The following ZNF644 variants were observed in gnomAD, a reference collection of about 807,000 sequenced individuals.
ZNF644 encodes zinc finger protein 644, also known as zinc finger motif enhancer binding protein 2.
Under a neutral mutation model 108.0 loss-of-function variants are expected in ZNF644, and 20 were observed. The ratio of observed to expected loss-of-function variants is 0.19; its 90% confidence interval spans 0.13 to 0.27. The LOEUF is 0.27. Among genes scored for constraint, ZNF644 ranks in the 10% least tolerant of loss-of-function variants. ZNF644 has a pLI of 1.00. For missense variants in ZNF644, 1,338 were observed against 1,548.9 expected (o/e 0.86, Z 2.29); for synonymous variants, 542 against 539.1 (o/e 1.01, Z -0.08).
intron 1 of ZNF644, among the ~76,000 whole-genome samples, chr1:90,998,649 C>T (rs1161065685): frequency 1.3e-5 from 2 of 152,216 alleles, no homozygotes; most frequent in Non-Finnish European, 1.5e-5. Context: ...CGCCTCTCCC[C>T]CTCCAAAGGA....
intron 1 of ZNF644, among the ~76,000 whole-genome samples, chr1:90,986,640 T>C (rs767490804): frequency 6.6e-6 from 1 of 152,028 alleles, no homozygotes; most frequent in Non-Finnish European, 1.5e-5. Context: ...AAAAAGAATG[T>C]CTATTAATTT....
intron 1 of ZNF644, among the ~76,000 whole-genome samples, chr1:91,019,913 C>T (rs1013093715): frequency 2.0e-5 from 3 of 152,136 alleles, no homozygotes; most frequent in Non-Finnish European, 4.4e-5. Flanking sequence ...ATGAACCTAA[C>T]AATATTTAAT....
At chr1:91,000,506 A>C (rs1409621619) in intron 1 of ZNF644, among the ~76,000 whole-genome samples, 1 of 152,212 alleles carries the variant, frequency 6.6e-6, no homozygotes, top group African/African-American at 2.4e-5. Flanking sequence ...TAAAGACACA[A>C]CACACCAGAA....
Position 90,952,649 on chromosome 1 carries a change from G to A in ZNF644, c.45-11340C>T, listed in dbSNP as rs183618346. Among the ~76,000 whole-genome samples, 406 of 152,090 alleles carry A rather than the reference G, an allele frequency of 2.7e-3. 2 individuals carry two copies. Among genetic ancestry groups the A allele is most frequent in the African/African-American group, 9.4e-3 (388 of 41,480 alleles). On this transcript the variant is annotated intron_variant, in intron 2 of 5. Transcript: ENST00000337393. The stretch of plus-strand genomic sequence containing the variant: ...TGAACTAGAAAAAGGTCAATACAAA[G>A]TATATTGAATGAAGCAAGGGGAGAC...
At chr1:90,937,449 A>G in intron 4 of ZNF644, 36 bp downstream of exon 4, 1 of 1,613,058 alleles carries the variant, frequency 6.2e-7, no homozygotes, top group Middle Eastern at 1.7e-4. Flanking sequence ...AACTGCATTT[A>G]AACTGTGTAT....
chr1:90,927,146 T>G (rs939622492), intron 4 of ZNF644, among the ~76,000 whole-genome samples: 1 of 151,772 alleles, frequency 6.6e-6, no homozygotes, highest in Non-Finnish European at 1.5e-5. Context: ...TCCAAAAGCC[T>G]TGGGAGTTCC....
intron 1 of ZNF644, among the ~76,000 whole-genome samples, chr1:90,985,603 C>G (rs1368473830): frequency 6.6e-6 from 1 of 152,138 alleles, no homozygotes; most frequent in Non-Finnish European, 1.5e-5. Context: ...TAATGTCCTC[C>G]AGGTTCATCC....
At position 90,938,509 on chromosome 1, in the gene ZNF644, G is replaced by A; in HGVS notation, c.2845C>T (p.His949Tyr). The A allele has an allele frequency of 6.2e-7, 1 of 1,613,964 alleles. No homozygotes were observed. Among genetic ancestry groups the A allele is most frequent in the South Asian group, 1.1e-5 (1 of 91,072 alleles). ...TCAGTCCAATGAAAAACAGAACTAT[G>A]CTTTGACAATGAAGCATCTGCAGTT... The part of the protein sequence containing the change: ...LETADASLSK[H>Y]SSVFHWTDLS... The change falls in exon 3 of 6, where the codon CAT becomes TAT. Residue 949 changes from histidine to tyrosine, a missense_variant. Physicochemically the swap from His to Tyr is moderately conservative, Grantham distance 83 (BLOSUM62 2). This residue lies in a region of ZNF644 where 462 missense variants were observed against 472.6 expected (regional missense o/e 0.98). Transcript: ENST00000337393. This position sits in a 1 kb window ranked among gnomAD's most constrained non-coding sequence, Gnocchi z 4.2.
intron 2 of ZNF644, among the ~76,000 whole-genome samples, chr1:90,966,247 G>A (rs1654868340): frequency 6.6e-6 from 1 of 152,066 alleles, no homozygotes. Context: ...AGCACTCTTA[G>A]TAACTCTCTA....
intron 2 of ZNF644, among the ~76,000 whole-genome samples, chr1:90,947,733 ACCTCC>A (rs1208410150): frequency 2.0e-5 from 3 of 152,146 alleles, no homozygotes; most frequent in African/African-American, 7.2e-5. Context: ...TAATGGGGTT[ACCTCC>A]CAATAAACCC....
intron 4 of ZNF644, among the ~76,000 whole-genome samples, chr1:90,921,049 C>T (rs1207900804): frequency 6.6e-6 from 1 of 151,768 alleles, no homozygotes; most frequent in South Asian, 2.1e-4. Flanking sequence ...TAAAACTGCA[C>T]AAAAAGGGGA....
chr1:90,992,916 T>C (rs757325978), intron 1 of ZNF644, among the ~76,000 whole-genome samples: 12 of 152,192 alleles, frequency 7.9e-5, no homozygotes, highest in Non-Finnish European at 1.2e-4. Flanking sequence ...TGGTGGTGCA[T>C]GTCTGTGGTC....
chr1:90,942,167 T>A (rs1652059272), intron 2 of ZNF644, among the ~76,000 whole-genome samples: 1 of 152,194 alleles, frequency 6.6e-6, no homozygotes, highest in Non-Finnish European at 1.5e-5. Flanking sequence ...TATGATCTGG[T>A]GGTCTAGTGC....
chr1:90,990,606 G>T (rs772656188), intron 1 of ZNF644, among the ~76,000 whole-genome samples: 9 of 152,154 alleles, frequency 5.9e-5, no homozygotes, highest in Non-Finnish European at 1.0e-4. Flanking sequence ...AAAGCCTAAA[G>T]AAGTCATGAG....
In ZNF644 at chr1:90,941,026, A is replaced by T. The variant is rs755658371; in HGVS notation, c.328T>A (p.Leu110Met). ...CCATTAACAGCAGCTCCTTTAGGCA[A>T]GATAAAGTTTTCACTAGAAACAGTA... The part of the protein sequence containing the change: ...APTVSSENFI[L>M]PKGAAVNGPV... Residue 110 changes from leucine (L) to methionine (M), a missense_variant, in exon 3 of 6, where the codon TTG (leucine) becomes ATG (methionine). Physicochemically the swap from Leu to Met is conservative, Grantham distance 15. Coordinates refer to ENST00000337393, the MANE Select transcript of ZNF644 (RefSeq NM_201269.3). 3.2e-5 allele frequency: 52 copies of T among 1,614,030 alleles called. No individual in the cohort carries two copies. The highest frequency in any genetic ancestry group is 4.4e-5 in the Non-Finnish European group (52 of 1,179,988).
At chr1:90,982,271 C>T in intron 2 of ZNF644, 39 bp downstream of exon 2, 1 of 1,530,124 alleles carries the variant, frequency 6.5e-7, no homozygotes, top group East Asian at 2.3e-5. Flanking sequence ...ATTATTCCTA[C>T]CTTGATATGT....
rs1285795554 is a variant in ZNF644, at chr1:90,937,772, G to A, written c.3401C>T (p.Thr1134Ile). Residue 1134 changes from threonine (T) to isoleucine (I), a missense_variant, in exon 4 of 6, where the codon ACT becomes ATT. Thr to Ile is a moderately conservative substitution (Grantham distance 89). Coordinates refer to ENST00000337393, the MANE Select transcript of ZNF644 (RefSeq NM_201269.3). The part of the protein sequence containing the change: ...PLEAYRNGLK[T>I]EALSVSASEE... ...TGATGCAGACACTGACAGAGCTTCAGTCTTTAGGCCATTACGGTATGCTTC... is the reference window on the plus strand; with the variant it reads ...TGATGCAGACACTGACAGAGCTTCAATCTTTAGGCCATTACGGTATGCTTC... 3.7e-6 allele frequency: 6 copies of A among 1,613,836 alleles called. No individual in the cohort carries two copies. Among genetic ancestry groups the A allele is most frequent in the Non-Finnish European group, 5.1e-6 (6 of 1,179,876 alleles).
intron 1 of ZNF644, among the ~76,000 whole-genome samples, chr1:91,010,399 T>C (rs917683685): frequency 6.7e-6 from 1 of 150,176 alleles, no homozygotes; most frequent in Non-Finnish European, 1.5e-5. Flanking sequence ...CCATCACGCT[T>C]GGCTAATTTT....
rs374302410 is a variant in ZNF644, at chr1:91,000,749, G to A, written c.-17-18379C>T. ...AAAAAAATCAATGAATCCAGGAGCT[G>A]GTTTTTTGAAAAGATCAACACAATA... On this transcript the variant is annotated intron_variant, in intron 1 of 5. Coordinates refer to ENST00000337393, the MANE Select transcript of ZNF644 (RefSeq NM_201269.3). 7.9e-5 allele frequency among the ~76,000 whole-genome samples: 12 copies of A among 152,110 alleles called. No homozygotes were observed. In the East Asian group the frequency reaches 1.4e-3, roughly 17 times the overall value.
Sources: allele counts gnomAD v4.1 joint callset (sites outside exome capture counted in the v4.1 genomes callset), GRCh38; gene constraint gnomAD v4.1.1; regional missense constraint gnomAD v4.1.1; non-coding constraint Gnocchi (gnomAD v3.1); transcripts MANE v1.5; gene names NCBI Gene and HGNC (gene_info 2026-07-23, HGNC 2026-07-21).